The following FLRT1 variants were observed in gnomAD, a reference collection of about 807,000 sequenced individuals.
FLRT1 encodes fibronectin leucine rich transmembrane protein 1, also known as leucine-rich repeat transmembrane protein FLRT1.
In FLRT1, 14 loss-of-function variants were observed where a neutral mutation model predicts 30.9. The observed-to-expected ratio is 0.45, with a 90% CI of 0.30 to 0.71. FLRT1 has a LOEUF of 0.71. Among genes scored for constraint, FLRT1 ranks in the 30% least tolerant of loss-of-function variants. The pLI is 0.08. For synonymous variants in FLRT1, 368 were observed against 430.4 expected (o/e 0.85, Z 1.80); for missense variants, 737 against 949.2 (o/e 0.78, Z 2.94).
intron 1 of FLRT1, among the ~76,000 whole-genome samples, chr11:64,098,022 C>CCTCA (rs1275616962): frequency 6.6e-6 from 1 of 152,164 alleles, no homozygotes; most frequent in Non-Finnish European, 1.5e-5. Flanking sequence ...CCCTTCAACC[C>CCTCA]CTCACTGTAT....
chr11:64,082,062 T>C lies in FLRT1; in HGVS notation c.-1037-21132T>C, dbSNP rs1944313718. ...GAAAAGTGTGTGAGCTGCAGCGTCC[T>C]GGGCTGGGGCAGAGGGGCCGTGGCG... is the stretch of plus-strand genomic sequence containing the variant. On this transcript the variant is annotated intron_variant, in intron 1 of 2. Coordinates refer to ENST00000682287, the MANE Select transcript of FLRT1 (RefSeq NM_013280.5). The surrounding 1 kb of genome is among the most constrained non-coding windows in gnomAD (Gnocchi z 4.5). 6.6e-6 allele frequency: 1 copy of C among 152,176 alleles called. No homozygotes were observed. The highest frequency in any genetic ancestry group is 2.4e-5 in the African/African-American group (1 of 41,392). The allele number at this position is 152,176 out of a possible 1,614,324, so 9.4% of individuals were successfully genotyped here.
Position 64,116,761 on chromosome 11 carries a change from C to T in FLRT1, c.494C>T (p.Thr165Ile). The T allele has an allele frequency of 1.9e-6, 3 of 1,613,702 alleles. No individual in the cohort carries two copies. Among genetic ancestry groups the T allele is most frequent in the Non-Finnish European group, 2.5e-6 (3 of 1,180,048 alleles). ...KLHLDDNSVS[T>I]VSIEEDAFAD... ...CACCTGGATGACAACTCCGTGTCCACCGTCAGCATTGAGGAGGACGCCTTC... is the reference window on the plus strand; with the variant it reads ...CACCTGGATGACAACTCCGTGTCCATCGTCAGCATTGAGGAGGACGCCTTC... The change falls in exon 3 of 3, where the codon ACC becomes ATC. Residue 165 changes from threonine to isoleucine, a missense_variant. Physicochemically the swap from Thr to Ile is moderately conservative, Grantham distance 89 (BLOSUM62 -1). Coordinates refer to ENST00000682287, the MANE Select transcript of FLRT1 (RefSeq NM_013280.5).
At chr11:64,076,938 A>G (rs932362271) in intron 1 of FLRT1, among the ~76,000 whole-genome samples, 2 of 152,122 alleles carry the variant, frequency 1.3e-5, no homozygotes, top group African/African-American at 4.8e-5. Flanking sequence ...ATCAGCACGG[A>G]GAGAATTTTC....
chr11:64,073,722 A>C (rs890219405), intron 1 of FLRT1, among the ~76,000 whole-genome samples: 2 of 152,094 alleles, frequency 1.3e-5, no homozygotes, highest in Non-Finnish European at 2.9e-5. Flanking sequence ...TCGCCTCCCA[A>C]ACACACTCCT....
intron 1 of FLRT1, among the ~76,000 whole-genome samples, chr11:64,058,729 C>T (rs1280747919): frequency 6.6e-6 from 1 of 152,256 alleles, no homozygotes; most frequent in East Asian, 1.9e-4. Flanking sequence ...CCAATTACCT[C>T]GCCTCCTGCT....
intron 1 of FLRT1, among the ~76,000 whole-genome samples, chr11:64,051,785 A>T (rs1943700074): frequency 1.3e-5 from 2 of 151,926 alleles, no homozygotes; most frequent in South Asian, 4.1e-4. Context: ...GAGGGTGCCC[A>T]TTGCCCATGG....
rs1299857346 is a variant in FLRT1 at position 64,066,017 on chromosome 11, C to T, written c.-1038+29858C>T. On this transcript the variant is annotated intron_variant, in intron 1 of 2. Transcript: ENST00000682287. ...AGTGGCTATAAAGATGAATTTAGGC[C>T]GGGTGTGGTGGCTCACGCCTGTAAT... Among the ~76,000 whole-genome samples the T allele has an allele frequency of 3.3e-5, 5 of 151,996 alleles. No homozygotes were observed. In the South Asian group the frequency reaches 8.3e-4, roughly 25 times the overall value.
intron 1 of FLRT1, among the ~76,000 whole-genome samples, chr11:64,065,597 G>A (rs1404436497): frequency 1.3e-5 from 2 of 149,962 alleles, no homozygotes; most frequent in Non-Finnish European, 3.0e-5. Flanking sequence ...AGACCATCCT[G>A]GCTAACACGG....
chr11:64,114,485 TTGAATGGATGGATGGATGGA>T (rs1362406330), intron 2 of FLRT1, among the ~76,000 whole-genome samples: 1 of 93,868 alleles, frequency 1.1e-5, no homozygotes, highest in Non-Finnish European at 2.2e-5. Flanking sequence ...GGAGGGATGG[TTGAATGGATGGATGGATGGA>T]TGAATGGATG....
At chr11:64,050,914 C>T (rs370685407) in intron 1 of FLRT1, among the ~76,000 whole-genome samples, 105 of 152,360 alleles carry the variant, frequency 6.9e-4, no homozygotes, top group African/African-American at 2.2e-3. Flanking sequence ...CCACCGCGCC[C>T]GGCCACAGCC....
At position 64,082,608 on chromosome 11, in the gene FLRT1, C is replaced by A. The variant is rs373032816; in HGVS notation, c.-1037-20586C>A. 3.3e-5 allele frequency among the ~76,000 whole-genome samples: 5 copies of A among 152,208 alleles called. No homozygotes were observed. The East Asian group carries it at 7.7e-4, about 24-fold the overall frequency. ...AGCTTAGGGGTCCCTGGGCTGAAGA[C>A]GGAACCTCTGAGTGCAGGCACCAGG... is the stretch of plus-strand genomic sequence containing the variant. On this transcript the variant is annotated intron_variant, in intron 1 of 2. Coordinates refer to ENST00000682287, the MANE Select transcript of FLRT1 (RefSeq NM_013280.5). The surrounding 1 kb of genome is among the most constrained non-coding windows in gnomAD (Gnocchi z 4.5).
intron 1 of FLRT1, among the ~76,000 whole-genome samples, chr11:64,083,724 C>T (rs1196657097): frequency 6.6e-6 from 1 of 152,218 alleles, no homozygotes; most frequent in Non-Finnish European, 1.5e-5. Context: ...GGCTCCAGGT[C>T]TTCTGCTAGT....
intron 2 of FLRT1, among the ~76,000 whole-genome samples, chr11:64,106,816 C>T (rs978466032): frequency 3.9e-5 from 6 of 152,206 alleles, no homozygotes; most frequent in Non-Finnish European, 7.3e-5. Flanking sequence ...TTCCTCATCC[C>T]CCAAAATAAA....
intron 1 of FLRT1, among the ~76,000 whole-genome samples, chr11:64,047,624 C>T (rs1038012750): frequency 1.3e-5 from 2 of 152,088 alleles, no homozygotes; most frequent in Non-Finnish European, 2.9e-5. Flanking sequence ...AGGCCGGGCG[C>T]GGTGGCTTAT....
intron 1 of FLRT1, among the ~76,000 whole-genome samples, chr11:64,043,527 A>G (rs1943528674): frequency 6.6e-6 from 1 of 152,172 alleles, no homozygotes; most frequent in South Asian, 2.1e-4. Flanking sequence ...AGGGCTCTGG[A>G]GAGCAGCAAG....
chr11:64,056,059 G>A (rs540741), intron 1 of FLRT1, among the ~76,000 whole-genome samples: 22,261 of 152,256 alleles, frequency 0.15, 1,956 homozygotes, highest in Non-Finnish European at 0.19. Flanking sequence ...GCCAGGGTTG[G>A]CAGGAGGCTG....
chr11:64,079,563 G>A (rs370806700), intron 1 of FLRT1, among the ~76,000 whole-genome samples: 3 of 152,280 alleles, frequency 2.0e-5, no homozygotes, highest in Non-Finnish European at 2.9e-5. Flanking sequence ...CAGCCGCCAC[G>A]GGCACAGAGA....
At chr11:64,071,760 C>G (rs1167719569) in intron 1 of FLRT1, among the ~76,000 whole-genome samples, 2 of 152,180 alleles carry the variant, frequency 1.3e-5, no homozygotes, top group African/African-American at 4.8e-5. Context: ...AGGAGACTGG[C>G]CTGCCCCATC....
intron 1 of FLRT1, among the ~76,000 whole-genome samples, chr11:64,089,519 C>T (rs1171334999): frequency 6.6e-6 from 1 of 152,228 alleles, no homozygotes; most frequent in Non-Finnish European, 1.5e-5. Context: ...ATTCTCCAGC[C>T]TCCTCCTGTT....
Sources: gnomAD v4.1 joint callset for allele counts (sites outside exome capture counted in the v4.1 genomes callset) on GRCh38, gnomAD v4.1.1 for gene constraint, Gnocchi (gnomAD v3.1) non-coding constraint, MANE v1.5 for transcripts, NCBI Gene and HGNC (gene_info 2026-07-23, HGNC 2026-07-21) for gene names.